ATXN2: variants seen among roughly 807,000 people sequenced by gnomAD.
The protein encoded by ATXN2 is ataxin-2.
In ATXN2, 37 loss-of-function variants were observed where a neutral mutation model predicts 138.6. The observed-to-expected ratio is 0.27, with a 90% CI of 0.21 to 0.35. ATXN2 has a LOEUF of 0.35. Ranked by LOEUF, ATXN2 falls within the 10% of genes least tolerant of loss-of-function variation. The pLI is 1.00. For synonymous variants in ATXN2, 549 were observed against 543.7 expected (o/e 1.01, Z -0.13); for missense variants, 1,216 against 1,480.3 (o/e 0.82, Z 2.93).
At chr12:111,566,052 G>C (rs1323866428) in intron 1 of ATXN2, among the ~76,000 whole-genome samples, 10 of 151,828 alleles carry the variant, frequency 6.6e-5, no homozygotes, top group Admixed American at 6.6e-4. Context: ...GAATGTACAA[G>C]GACATAAATG....
intron 5 of ATXN2, among the ~76,000 whole-genome samples, chr12:111,548,154 C>T (rs923894262): frequency 6.6e-6 from 1 of 151,906 alleles, no homozygotes; most frequent in African/African-American, 2.4e-5. Context: ...GATCACGCCA[C>T]TGTACCCAGC....
At chr12:111,564,456 T>C (rs1882876337) in intron 1 of ATXN2, among the ~76,000 whole-genome samples, 1 of 151,078 alleles carries the variant, frequency 6.6e-6, no homozygotes. Flanking sequence ...CAAGAGTTGC[T>C]TATGGTAAAA....
In ATXN2 at chr12:111,488,779, A is replaced by G; in HGVS notation, c.1937T>C (p.Leu646Ser). Residue 646 changes from leucine (L) to serine (S), a missense_variant and splice_region_variant, in exon 15 of 25, where the codon TTA (leucine) becomes TCA (serine). Physicochemically the swap from Leu to Ser is moderately radical, Grantham distance 145. Coordinates refer to ENST00000673436, the MANE Select transcript of ATXN2 (RefSeq NM_001372574.1). The stretch of plus-strand genomic sequence containing the variant: ...AGATTCAGAAGTAGAACTTGGCTGT[A>G]ACTAAATAAAGGAAACAATTATACT... ...DLKKFKNDFR[L>S]QPSSTSESMD... The G allele has an allele frequency of 3.1e-6, 5 of 1,596,706 alleles. No individual in the cohort carries two copies. Among genetic ancestry groups the G allele is most frequent in the Non-Finnish European group, 4.3e-6 (5 of 1,168,136 alleles).
chr12:111,563,065 C>T (rs1183491946), intron 1 of ATXN2, among the ~76,000 whole-genome samples: 1 of 152,200 alleles, frequency 6.6e-6, no homozygotes, highest in South Asian at 2.1e-4. Flanking sequence ...CTGTTGTATT[C>T]CTGCCAAAAA....
In ATXN2 at chr12:111,457,319, G is replaced by A. The variant is rs753915762; in HGVS notation, c.2937C>T (p.Asn979=). The A allele has an allele frequency of 3.5e-5, 56 of 1,613,932 alleles. No homozygotes were observed. The highest frequency in any genetic ancestry group is 1.8e-4 in the South Asian group (16 of 91,076). ...GSLAQQYAHP[N]ATLHPHTPHP... is the part of the protein sequence containing the mutation. The stretch of plus-strand genomic sequence containing the variant: ...GTGGAGTATGTGGGTGCAGGGTAGC[G>A]TTAGGGTGCGCATACTGCTGAGCAA... Residue 979 remains asparagine, a synonymous_variant, in exon 22 of 25, where the codon AAC becomes AAT. Coordinates refer to ENST00000673436, the MANE Select transcript of ATXN2 (RefSeq NM_001372574.1).
intron 14 of ATXN2, among the ~76,000 whole-genome samples, chr12:111,505,180 G>A (rs1778147422): frequency 6.6e-6 from 1 of 152,086 alleles, no homozygotes; most frequent in Admixed American, 6.6e-5. Context: ...CTGCCCTCCA[G>A]CCTAAGCAAA....
intron 5 of ATXN2, among the ~76,000 whole-genome samples, chr12:111,528,506 T>C (rs1313474054): frequency 1.3e-5 from 2 of 152,206 alleles, no homozygotes; most frequent in African/African-American, 4.8e-5. Flanking sequence ...GAGGGCATTA[T>C]TAATAAATCT....
chr12:111,456,345 G>A (rs1283037435), intron 22 of ATXN2, 89 bp from the exon 23 acceptor site: 5 of 1,400,998 alleles, frequency 3.6e-6, no homozygotes, highest in Non-Finnish European at 5.0e-6. Flanking sequence ...TTGCACACTT[G>A]GGCCTATGAT....
chr12:111,535,796 C>A (rs1397588944), intron 5 of ATXN2, among the ~76,000 whole-genome samples: 2 of 151,662 alleles, frequency 1.3e-5, no homozygotes, highest in Non-Finnish European at 2.9e-5. Context: ...GTCAGGAGAT[C>A]GAGACCATCC....
chr12:111,581,005 G>T, intron 1 of ATXN2, among the ~76,000 whole-genome samples: 1 of 151,982 alleles, frequency 6.6e-6, no homozygotes, highest in East Asian at 1.9e-4. Context: ...GGCTGTGGTG[G>T]CAGGTGCCTG....
chr12:111,528,536 TTTAATC>T (rs911988763), intron 5 of ATXN2, among the ~76,000 whole-genome samples: 10 of 152,200 alleles, frequency 6.6e-5, no homozygotes, highest in Admixed American at 5.9e-4. Flanking sequence ...AATGCTACAT[TTTAATC>T]TTAAATCTTC....
chr12:111,547,207 T>C (rs1881841849), intron 5 of ATXN2, among the ~76,000 whole-genome samples: 1 of 152,026 alleles, frequency 6.6e-6, no homozygotes, highest in South Asian at 2.1e-4. Flanking sequence ...GGTGGGTGGA[T>C]CATGAGGTCA....
intron 18 of ATXN2, among the ~76,000 whole-genome samples, chr12:111,483,240 A>AC (rs1270352401): frequency 1.0e-4 from 15 of 143,134 alleles, no homozygotes; most frequent in South Asian, 2.3e-4. Flanking sequence ...CACACACACA[A>AC]AACACCCAAA....
intron 1 of ATXN2, among the ~76,000 whole-genome samples, chr12:111,558,994 T>C (rs1566063522): frequency 2.0e-5 from 3 of 146,898 alleles, no homozygotes; most frequent in South Asian, 4.3e-4. Context: ...TGTGATACAA[T>C]AGGATAGACC....
Position 111,457,206 on chromosome 12 carries a change from G to A in ATXN2, c.3042+8C>T. On this transcript the variant is annotated splice_region_variant and intron_variant, in intron 22 of 24. Coordinates refer to ENST00000673436, the MANE Select transcript of ATXN2 (RefSeq NM_001372574.1). Reference sequence around the variant, plus strand: ...GCCACTCCATGCAGACCTCTGAGTTGCCCTTACCTGAACAGGACTGGGTGC... The same window carrying A: ...GCCACTCCATGCAGACCTCTGAGTTACCCTTACCTGAACAGGACTGGGTGC... 6.2e-7 allele frequency: 1 copy of A among 1,610,696 alleles called. No individual in the cohort carries two copies.
chr12:111,598,184 A>C lies in ATXN2; in HGVS notation c.251+600T>G. On this transcript the variant is annotated intron_variant, in intron 1 of 24. Transcript: ENST00000673436. The surrounding 1 kb of genome is among the most constrained non-coding windows in gnomAD (Gnocchi z 4.5). Reference sequence around the variant, plus strand: ...CGGGGGCCAAGGCCCACTTGTCTCCACCCCGTCCTCCGATCTTTCCCAGGA... The same window carrying C: ...CGGGGGCCAAGGCCCACTTGTCTCCCCCCCGTCCTCCGATCTTTCCCAGGA... 2 of 1,053,742 alleles carry C rather than the reference A, an allele frequency of 1.9e-6. No individual in the cohort carries two copies. The highest frequency in any genetic ancestry group is 2.3e-6 in the Non-Finnish European group (2 of 868,752). 65.3% of individuals were successfully genotyped at this position (1,053,742 alleles called of 1,614,324 possible).
chr12:111,478,149 G>C (rs372847066), intron 18 of ATXN2, among the ~76,000 whole-genome samples: 23 of 150,394 alleles, frequency 1.5e-4, no homozygotes, highest in African/African-American at 5.1e-4. Context: ...GCTCACACCT[G>C]TAATCTCAGC....
At chr12:111,548,597 ATCAT>A (rs1264129724) in intron 5 of ATXN2, among the ~76,000 whole-genome samples, 1 of 152,246 alleles carries the variant, frequency 6.6e-6, no homozygotes, top group African/African-American at 2.4e-5. Flanking sequence ...GTATACTCTA[ATCAT>A]TCATCCACTT....
rs376010475 is a variant in ATXN2, at chr12:111,501,841, T to G, written c.1935+7708A>C. 8.5e-5 allele frequency among the ~76,000 whole-genome samples: 13 copies of G among 152,226 alleles called. No homozygotes were observed. In the East Asian group the frequency reaches 1.4e-3, roughly 16 times the overall value. On this transcript the variant is annotated intron_variant, in intron 14 of 24. Transcript: ENST00000673436. ...AAGGCAAAAATCAGACTTTTGGTGT[T>G]GCTTTTTCTTACAATGTCAAACACA...
Sources: allele counts gnomAD v4.1 joint callset (sites outside exome capture counted in the v4.1 genomes callset), GRCh38; gene constraint gnomAD v4.1.1; non-coding constraint Gnocchi (gnomAD v3.1); transcripts MANE v1.5; gene names NCBI Gene and HGNC (gene_info 2026-07-23, HGNC 2026-07-21).